AFF1: variants seen among roughly 807,000 people sequenced by gnomAD.
The protein encoded by AFF1 is ALF transcription elongation factor 1, also known as AF4/FMR2 family member 1.
In AFF1, 48 loss-of-function variants were observed where a neutral mutation model predicts 121.7. That is an observed-to-expected ratio of 0.39 (90% CI 0.31 to 0.50). The LOEUF (loss-of-function observed/expected upper bound fraction) is 0.50, where lower values mean the gene tolerates loss of function less well. Among genes scored for constraint, AFF1 ranks in the 20% least tolerant of loss-of-function variants. AFF1 has a pLI of 0.76. For missense variants in AFF1, 1,523 were observed against 1,511.7 expected (o/e 1.01, Z -0.12); for synonymous variants, 613 against 563.0 (o/e 1.09, Z -1.26).
chr4:87,121,976 A>G (rs916577330), intron 12 of AFF1, among the ~76,000 whole-genome samples: 3 of 152,254 alleles, frequency 2.0e-5, no homozygotes, highest in African/African-American at 7.2e-5. Flanking sequence ...ATGAACAAAA[A>G]TCAGCTCTCA....
At chr4:87,131,441 A>AT (rs1432645476) in intron 17 of AFF1, among the ~76,000 whole-genome samples, 2 of 152,356 alleles carry the variant, frequency 1.3e-5, no homozygotes, top group African/African-American at 4.8e-5. Context: ...TGCGCCAAGA[A>AT]GTGCCAAAGC....
intron 4 of AFF1, among the ~76,000 whole-genome samples, chr4:87,069,591 A>C (rs1375953629): frequency 1.6e-5 from 2 of 122,814 alleles, no homozygotes; most frequent in South Asian, 2.6e-4. Context: ...CTCTCCTATC[A>C]TCTCTCCCTC....
chr4:87,023,975 A>G (rs2149567671), intron 2 of AFF1, among the ~76,000 whole-genome samples: 1 of 152,232 alleles, frequency 6.6e-6, no homozygotes, highest in Admixed American at 6.5e-5. Flanking sequence ...AGGACAGAGG[A>G]TTATGTATAA....
intron 2 of AFF1, among the ~76,000 whole-genome samples, chr4:87,015,731 T>C (rs1173383296): frequency 6.6e-6 from 1 of 152,246 alleles, no homozygotes; most frequent in African/African-American, 2.4e-5. Context: ...AATCATTAGG[T>C]TTACTTAATT....
At chr4:87,085,111 T>G (rs751887965) in intron 5 of AFF1, among the ~76,000 whole-genome samples, 1 of 152,260 alleles carries the variant, frequency 6.6e-6, no homozygotes, top group African/African-American at 2.4e-5. Flanking sequence ...TCCACAAATA[T>G]GTCATTGAAT....
intron 2 of AFF1, among the ~76,000 whole-genome samples, chr4:87,042,267 C>G (rs956395848): frequency 6.6e-5 from 10 of 152,136 alleles, no homozygotes; most frequent in African/African-American, 2.4e-4. Flanking sequence ...TGCCTGGGAG[C>G]TTTTAACAGA....
At chr4:87,120,269 T>C (rs1168667240) in intron 12 of AFF1, among the ~76,000 whole-genome samples, 1 of 152,228 alleles carries the variant, frequency 6.6e-6, no homozygotes, top group Non-Finnish European at 1.5e-5. Flanking sequence ...GTCTTTTTCA[T>C]ATTGAATCTC....
At chr4:86,998,119 A>AAAAAAC (rs1725376853) in intron 2 of AFF1, among the ~76,000 whole-genome samples, 1 of 140,550 alleles carries the variant, frequency 7.1e-6, no homozygotes, top group Non-Finnish European at 1.6e-5. Context: ...AAAAAAAAAA[A>AAAAAAC]AAAAAAAACA....
chr4:86,937,237 T>C (rs962698763), intron 1 of AFF1, among the ~76,000 whole-genome samples: 2 of 152,246 alleles, frequency 1.3e-5, no homozygotes, highest in Non-Finnish European at 2.9e-5. Context: ...TGCAAAACTA[T>C]AATTTTGAAG....
intron 2 of AFF1, among the ~76,000 whole-genome samples, chr4:86,972,764 TCCTGG>T (rs1196461726): frequency 6.6e-6 from 1 of 152,158 alleles, no homozygotes; most frequent in Non-Finnish European, 1.5e-5. Context: ...GGTCTCAAAC[TCCTGG>T]CCTCAAGTGA....
intron 2 of AFF1, among the ~76,000 whole-genome samples, chr4:87,027,856 A>G (rs985230281): frequency 1.4e-5 from 2 of 142,636 alleles, no homozygotes; most frequent in African/African-American, 2.7e-5. Flanking sequence ...GGTGTGATCA[A>G]TGCAGTGGCC....
At position 87,108,254 on chromosome 4, in the gene AFF1, A is replaced by G. The variant is rs1219075017; in HGVS notation, c.1472A>G (p.Glu491Gly). 3 of 1,614,142 alleles carry G rather than the reference A, an allele frequency of 1.9e-6. No homozygotes were observed. The highest frequency in any genetic ancestry group is 2.5e-6 in the Non-Finnish European group (3 of 1,179,998). The part of the protein sequence containing the change: ...TSDSDSSSDS[E>G]SESSSSDSEE... ...GACTCAGACAGTTCCTCAGACTCAG[A>G]GAGCGAGAGCAGTTCAAGTGACAGC... Residue 491 changes from glutamate (E) to glycine (G), a missense_variant, in exon 11 of 21, where the codon GAG becomes GGG. Physicochemically the swap from Glu to Gly is moderately conservative, Grantham distance 98 (BLOSUM62 -2). Transcript: ENST00000395146.
rs755499598 is a variant in AFF1, at chr4:87,127,163, GCT to G, written c.2903+47_2903+48del. On this transcript the variant is annotated intron_variant, in intron 15 of 20. Transcript: ENST00000395146. ...TTCTTGCTCTGTTTTGTTTTGTTTTGCTTCCCCCCCCCACCAAGATAGAGTCT... is the reference window on the plus strand; with the variant it reads ...TTCTTGCTCTGTTTTGTTTTGTTTTGTCCCCCCCCCACCAAGATAGAGTCT... 140 of 1,156,314 alleles carry G rather than the reference GCT, an allele frequency of 1.2e-4. 1 individual carries two copies. The African/African-American group carries it at 1.2e-3, about 10-fold the overall frequency. The allele number at this position is 1,156,314 out of a possible 1,614,324, so 71.6% of individuals were successfully genotyped here.
At chr4:87,130,253 G>A (rs538996408) in intron 16 of AFF1, among the ~76,000 whole-genome samples, 2 of 152,278 alleles carry the variant, frequency 1.3e-5, no homozygotes, top group East Asian at 3.9e-4. Flanking sequence ...GATTACAGGC[G>A]TGAGCCACCA....
At chr4:87,104,576 A>G (rs1243281762) in intron 8 of AFF1, among the ~76,000 whole-genome samples, 1 of 152,198 alleles carries the variant, frequency 6.6e-6, no homozygotes, top group East Asian at 1.9e-4. Context: ...GAAACAGCCA[A>G]GTTTCGTTCA....
intron 2 of AFF1, among the ~76,000 whole-genome samples, chr4:86,958,916 T>C (rs563210670): frequency 2.6e-5 from 4 of 152,286 alleles, no homozygotes; most frequent in African/African-American, 9.6e-5. Flanking sequence ...GATTTGTTTG[T>C]TTCCTATTAA....
At chr4:86,978,577 C>T (rs1326717220) in intron 2 of AFF1, among the ~76,000 whole-genome samples, 1 of 152,098 alleles carries the variant, frequency 6.6e-6, no homozygotes. Flanking sequence ...GGGTCTTGCT[C>T]TGTTGCCCAA....
intron 12 of AFF1, among the ~76,000 whole-genome samples, chr4:87,116,876 G>A (rs1172169030): frequency 6.6e-6 from 1 of 152,078 alleles, no homozygotes; most frequent in Non-Finnish European, 1.5e-5. Context: ...AAACTTTATG[G>A]AGAAAATTGT....
intron 2 of AFF1, chr4:87,006,850 A>C (rs966269794): frequency 2.5e-5 from 15 of 597,342 alleles, no homozygotes; most frequent in South Asian, 7.2e-5. Context: ...CCCCTACCCG[A>C]CCCTGCCTGC....
Sources: gnomAD v4.1 joint callset for allele counts (sites outside exome capture counted in the v4.1 genomes callset) on GRCh38, gnomAD v4.1.1 for gene constraint, MANE v1.5 for transcripts, NCBI Gene and HGNC (gene_info 2026-07-23, HGNC 2026-07-21) for gene names.